ADAM23: variants seen among roughly 807,000 people sequenced by gnomAD.
The protein encoded by ADAM23 is ADAM metallopeptidase domain 23, also known as disintegrin and metalloproteinase domain-containing protein 23.
A neutral mutation model predicts 120.1 loss-of-function variants in ADAM23; 33 were observed. The observed-to-expected ratio is 0.27, with a 90% CI of 0.21 to 0.37. The LOEUF (loss-of-function observed/expected upper bound fraction) is 0.37. ADAM23 is among the 10% of genes least tolerant of loss of function. The pLI, the probability that ADAM23 is intolerant of heterozygous loss-of-function variation, is 1.00. For synonymous variants in ADAM23, 367 were observed against 375.2 expected, an observed-to-expected ratio of 0.98 and a Z score of 0.25; for missense variants, 862 against 1,058.2, an observed-to-expected ratio of 0.81 and a Z score of 2.57.
At chr2:206,591,131 A>G (rs1698418058) in intron 21 of ADAM23, among the ~76,000 whole-genome samples, 1 of 152,220 alleles carries the variant, frequency 6.6e-6, no homozygotes, top group Admixed American at 6.5e-5. Flanking sequence ...CAGGAGTTCA[A>G]GACCAGTCTG....
chr2:206,542,280 C>G, intron 5 of ADAM23, 146 bp downstream of exon 5: 1 of 725,322 alleles, frequency 1.4e-6, no homozygotes, highest in Non-Finnish European at 2.4e-6. Context: ...ATGTCCCTGT[C>G]CTCTTGAACA....
chr2:206,531,518 C>G (rs1468180674), intron 4 of ADAM23, among the ~76,000 whole-genome samples: 5 of 152,142 alleles, frequency 3.3e-5, no homozygotes, highest in Admixed American at 3.3e-4. Flanking sequence ...CTGATTCCTT[C>G]ATTTGGAGAT....
chr2:206,470,627 A>G, intron 2 of ADAM23, among the ~76,000 whole-genome samples: 1 of 152,204 alleles, frequency 6.6e-6, no homozygotes, highest in East Asian at 1.9e-4. Context: ...AACAGGCCTT[A>G]ATCATGTTAC....
chr2:206,478,979 T>C (rs1695839950), intron 2 of ADAM23, among the ~76,000 whole-genome samples: 1 of 152,180 alleles, frequency 6.6e-6, no homozygotes, highest in African/African-American at 2.4e-5. Flanking sequence ...AGGCTGACAG[T>C]TGTACCTGCC....
chr2:206,445,740 TC>T (rs899595122), intron 2 of ADAM23, among the ~76,000 whole-genome samples: 10 of 152,252 alleles, frequency 6.6e-5, no homozygotes, highest in Middle Eastern at 3.2e-3. Context: ...ACTAGAATTT[TC>T]TGATACCTGA....
At chr2:206,585,699 C>A (rs568311271) in intron 18 of ADAM23, among the ~76,000 whole-genome samples, 1 of 151,988 alleles carries the variant, frequency 6.6e-6, no homozygotes, top group Non-Finnish European at 1.5e-5. Context: ...GGTACTAGGG[C>A]AGCAGTAAGG....
chr2:206,562,058 G>C (rs1697778843), intron 12 of ADAM23, 145 bp from the exon 13 acceptor site: 1 of 598,800 alleles, frequency 1.7e-6, no homozygotes, highest in African/African-American at 1.8e-5. Context: ...GTAAAGAGGA[G>C]GTGAGAAGTA....
chr2:206,581,240 C>T lies in ADAM23; in HGVS notation c.1738-6085C>T, dbSNP rs112931639. ...ATTTCATTTAGTTCTGTGCTGATCT[C>T]GGCTGTTTTCTTTCTTCCGCTGGGT... On this transcript the variant is annotated intron_variant, in intron 18 of 25. Coordinates refer to ENST00000264377, the MANE Select transcript of ADAM23 (RefSeq NM_003812.4). 5.3e-5 allele frequency among the ~76,000 whole-genome samples: 8 copies of T among 152,060 alleles called. 1 individual carries two copies. The highest frequency in any genetic ancestry group is 1.4e-4 in the African/African-American group (6 of 41,480).
intron 2 of ADAM23, among the ~76,000 whole-genome samples, chr2:206,452,134 C>T (rs1695207325): frequency 6.6e-6 from 1 of 152,224 alleles, no homozygotes; most frequent in Admixed American, 6.5e-5. Flanking sequence ...TGTGGCTCCT[C>T]TTTAGATAGG....
chr2:206,473,044 C>G (rs527716745), intron 2 of ADAM23, among the ~76,000 whole-genome samples: 1 of 151,992 alleles, frequency 6.6e-6, no homozygotes, highest in Admixed American at 6.6e-5. Context: ...TGTATGTTTT[C>G]GGGCATTTTT....
intron 3 of ADAM23, among the ~76,000 whole-genome samples, chr2:206,509,485 G>C (rs544357183): frequency 2.4e-3 from 365 of 151,978 alleles, no homozygotes; most frequent in African/African-American, 8.3e-3. Context: ...GTCTCGCTCT[G>C]TCACCCAGGC....
chr2:206,478,663 G>T (rs1438182041), intron 2 of ADAM23, among the ~76,000 whole-genome samples: 2 of 152,118 alleles, frequency 1.3e-5, no homozygotes, highest in Admixed American at 6.6e-5. Flanking sequence ...GTCACGTGAA[G>T]CCTGCCAGTC....
chr2:206,604,591 G>C (rs1328129459), intron 24 of ADAM23, among the ~76,000 whole-genome samples: 2 of 152,018 alleles, frequency 1.3e-5, no homozygotes, highest in Non-Finnish European at 2.9e-5. Context: ...ACCAGGTTGT[G>C]CTTAGTCAAT....
chr2:206,564,970 T>C (rs758934253), intron 13 of ADAM23, 50 bp from the exon 14 acceptor site: 13 of 1,604,508 alleles, frequency 8.1e-6, no homozygotes, highest in African/African-American at 1.3e-5. Flanking sequence ...AATATGTGAC[T>C]TTCTTTGTTT....
chr2:206,544,761 C>G (rs543638699), intron 6 of ADAM23, among the ~76,000 whole-genome samples: 3 of 151,852 alleles, frequency 2.0e-5, no homozygotes, highest in African/African-American at 7.3e-5. Context: ...TACAGGTGCC[C>G]GCCACCGCAC....
chr2:206,488,127 C>T (rs1348572127), intron 3 of ADAM23, among the ~76,000 whole-genome samples: 1 of 152,246 alleles, frequency 6.6e-6, no homozygotes, highest in Non-Finnish European at 1.5e-5. Flanking sequence ...GATATAGTTT[C>T]AGTTAGCTTA....
At position 206,550,168 on chromosome 2, in the gene ADAM23, T is replaced by C. The variant is rs766777709; in HGVS notation, c.933+8T>C. ...GTTAATGATCACAAAACGGTAAGAATATAGAGTCAGTGGGTTTTAGAACAG... is the reference window on the plus strand; with the variant it reads ...GTTAATGATCACAAAACGGTAAGAACATAGAGTCAGTGGGTTTTAGAACAG... On this transcript the variant is annotated splice_region_variant and intron_variant, in intron 9 of 25. Coordinates refer to ENST00000264377, the MANE Select transcript of ADAM23 (RefSeq NM_003812.4). 1 of 1,540,992 alleles carries C rather than the reference T, an allele frequency of 6.5e-7. No homozygotes were observed. The highest frequency in any genetic ancestry group is 8.9e-7 in the Non-Finnish European group (1 of 1,120,002).
At chr2:206,612,914 G>A (rs558057693) in intron 25 of ADAM23, among the ~76,000 whole-genome samples, 3 of 152,312 alleles carry the variant, frequency 2.0e-5, no homozygotes, top group Admixed American at 6.5e-5. Flanking sequence ...GATTAGTTGA[G>A]TCAGACCGCT....
chr2:206,579,811 C>T (rs968046173), intron 18 of ADAM23, among the ~76,000 whole-genome samples: 2 of 152,108 alleles, frequency 1.3e-5, no homozygotes, highest in Non-Finnish European at 2.9e-5. Flanking sequence ...TTGTAGATTG[C>T]TTTTGGCAGT....
Sources: gnomAD v4.1 joint callset for allele counts (sites outside exome capture counted in the v4.1 genomes callset) on GRCh38, gnomAD v4.1.1 for gene constraint, MANE v1.5 for transcripts, NCBI Gene and HGNC (gene_info 2026-07-23, HGNC 2026-07-21) for gene names.